Variants in HS2ST1 observed in about 807,000 individuals in gnomAD.
HS2ST1 encodes the protein 2-O-sulfotransferase.
HS2ST1 carries 18 observed loss-of-function variants against 42.9 expected under a neutral mutation model. The ratio of observed to expected loss-of-function variants is 0.42; its 90% CI spans 0.29 to 0.62. The LOEUF (loss-of-function observed/expected upper bound fraction) is 0.62, where lower values mean the gene tolerates loss of function less well. Ranked by LOEUF, HS2ST1 falls within the 20% of genes least tolerant of loss-of-function variation. The pLI, the probability that HS2ST1 is intolerant of heterozygous loss-of-function variation, is 0.21. For synonymous variants in HS2ST1, 146 were observed against 152.9 expected, an observed-to-expected ratio of 0.95 and a Z score of 0.33; for missense variants, 334 against 433.8, an observed-to-expected ratio of 0.77 and a Z score of 2.04.
intron 6 of HS2ST1, 54 bp from the exon 7 acceptor site, chr1:87,104,416 T>C (rs1385365420): frequency 8.9e-7 from 1 of 1,127,258 alleles, no homozygotes; most frequent in African/African-American, 1.6e-5. Context: ...ATTGATCTTT[T>C]GTGTGTTCTC....
intron 1 of HS2ST1, among the ~76,000 whole-genome samples, chr1:86,979,103 G>T (rs1162462233): frequency 6.6e-6 from 1 of 151,982 alleles, no homozygotes; most frequent in Non-Finnish European, 1.5e-5. Context: ...CAATCCGCCT[G>T]CCTCAGCCCC....
intron 1 of HS2ST1, among the ~76,000 whole-genome samples, chr1:87,031,138 G>C (rs1650228294): frequency 6.6e-6 from 1 of 151,954 alleles, no homozygotes; most frequent in African/African-American, 2.4e-5. Context: ...ACAGGGTTTT[G>C]CCATGTTTCC....
chr1:86,944,007 C>T (rs1354540165), intron 1 of HS2ST1, among the ~76,000 whole-genome samples: 8 of 149,770 alleles, frequency 5.3e-5, no homozygotes, highest in African/African-American at 2.5e-5. Flanking sequence ...CCCTGGGTAA[C>T]GAGTGAAACT....
chr1:87,039,066 A>G (rs1650456485), intron 1 of HS2ST1, among the ~76,000 whole-genome samples: 1 of 152,210 alleles, frequency 6.6e-6, no homozygotes, highest in Non-Finnish European at 1.5e-5. Context: ...CCCTGTACTG[A>G]TATGGAAGGT....
intron 1 of HS2ST1, among the ~76,000 whole-genome samples, chr1:86,919,643 G>A (rs1049432921): frequency 6.6e-6 from 1 of 152,112 alleles, no homozygotes; most frequent in African/African-American, 2.4e-5. Flanking sequence ...AGGCTTCAAG[G>A]TATCAGTGAA....
At chr1:86,967,490 C>A (rs1648082773) in intron 1 of HS2ST1, among the ~76,000 whole-genome samples, 1 of 152,094 alleles carries the variant, frequency 6.6e-6, no homozygotes, top group African/African-American at 2.4e-5. Context: ...CATTACATCA[C>A]CCTGATTGGT....
chr1:86,926,515 A>C (rs1054709051), intron 1 of HS2ST1, among the ~76,000 whole-genome samples: 1 of 152,188 alleles, frequency 6.6e-6, no homozygotes, highest in Non-Finnish European at 1.5e-5. Context: ...AGGAATCCTC[A>C]TACTATGCTG....
Position 86,917,200 on chromosome 1 carries a change from C to T in HS2ST1, c.124+2040C>T, listed in dbSNP as rs78130557. Among the ~76,000 whole-genome samples the T allele has an allele frequency of 9.7e-3, 1,484 of 152,224 alleles. 23 individuals carry two copies. Among genetic ancestry groups the T allele is most frequent in the South Asian group, 0.013 (63 of 4,828 alleles). ...CTAGGCACTTTTCATCGTAGATACT[C>T]GTGTTTAAAGTAAGAACACCATTTA... On this transcript the variant is annotated intron_variant, in intron 1 of 6. Coordinates refer to ENST00000370550, the MANE Select transcript of HS2ST1 (RefSeq NM_012262.4).
chr1:87,025,901 GAGT>G (rs1650075726), intron 1 of HS2ST1, among the ~76,000 whole-genome samples: 1 of 152,158 alleles, frequency 6.6e-6, no homozygotes, highest in Non-Finnish European at 1.5e-5. Context: ...TATTGTTACT[GAGT>G]AAAATTGCTA....
chr1:86,984,749 A>G (rs1259746968), intron 1 of HS2ST1, among the ~76,000 whole-genome samples: 1 of 151,844 alleles, frequency 6.6e-6, no homozygotes, highest in Non-Finnish European at 1.5e-5. Context: ...AAAAAACTAA[A>G]ATACTAAAAT....
intron 1 of HS2ST1, among the ~76,000 whole-genome samples, chr1:86,967,729 T>G (rs909863651): frequency 6.6e-6 from 1 of 152,248 alleles, no homozygotes; most frequent in African/African-American, 2.4e-5. Context: ...TTCCATACCT[T>G]TGCAGTTGTG....
At position 87,108,328 on chromosome 1, in the gene HS2ST1, C is replaced by G. The variant is rs1652374205; in HGVS notation, c.*3632C>G. The G allele has an allele frequency of 6.6e-6, 1 of 152,086 alleles. No homozygotes were observed. Among genetic ancestry groups the G allele is most frequent in the Non-Finnish European group, 1.5e-5 (1 of 67,970 alleles). 9.4% of individuals were successfully genotyped at this position (152,086 alleles called of 1,614,324 possible). ...TTTCCATTGGTCATTCCCAAACACA[C>G]CTATGGTCCTAGAATCCTTAAGAGA... is the stretch of plus-strand genomic sequence containing the variant. On this transcript the variant is annotated 3_prime_UTR_variant, in exon 7 of 7. Transcript: ENST00000370550.
chr1:87,000,080 C>T (rs1449781034), intron 1 of HS2ST1, among the ~76,000 whole-genome samples: 1 of 147,188 alleles, frequency 6.8e-6, no homozygotes, highest in African/African-American at 2.5e-5. Context: ...TATGTAGTAA[C>T]CAACTCCTAG....
intron 1 of HS2ST1, among the ~76,000 whole-genome samples, chr1:86,916,883 A>G (rs1003493369): frequency 1.3e-5 from 2 of 152,214 alleles, no homozygotes; most frequent in African/African-American, 4.8e-5. Context: ...GTGGGTTAGA[A>G]TGACTTAAAT....
At chr1:87,068,995 G>C (rs1361298598) in intron 1 of HS2ST1, among the ~76,000 whole-genome samples, 1 of 152,072 alleles carries the variant, frequency 6.6e-6, no homozygotes. Context: ...ACCAGGCCAG[G>C]CTCTGAGAAA....
intron 2 of HS2ST1, among the ~76,000 whole-genome samples, chr1:87,081,619 T>C (rs1340045297): frequency 6.6e-6 from 1 of 152,092 alleles, no homozygotes; most frequent in Non-Finnish European, 1.5e-5. Flanking sequence ...TAGTGTTGCA[T>C]CTTAAAGAGC....
chr1:86,972,136 T>C (rs1239510504), intron 1 of HS2ST1, among the ~76,000 whole-genome samples: 1 of 152,216 alleles, frequency 6.6e-6, no homozygotes, highest in Non-Finnish European at 1.5e-5. Flanking sequence ...GAGTTGTTAA[T>C]GTTTCAGAAA....
At chr1:86,956,110 A>G (rs1327014508) in intron 1 of HS2ST1, among the ~76,000 whole-genome samples, 1 of 150,960 alleles carries the variant, frequency 6.6e-6, no homozygotes, top group Admixed American at 6.6e-5. Context: ...ATATGCACAC[A>G]TGTGTAATTT....
chr1:86,988,397 A>G (rs1051273916), intron 1 of HS2ST1, among the ~76,000 whole-genome samples: 3 of 152,046 alleles, frequency 2.0e-5, no homozygotes, highest in African/African-American at 7.2e-5. Flanking sequence ...CTTACCTCCA[A>G]CCTGACTGTT....
Sources: allele counts gnomAD v4.1 joint callset (sites outside exome capture counted in the v4.1 genomes callset), GRCh38; gene constraint gnomAD v4.1.1; transcripts MANE v1.5; gene names NCBI Gene and HGNC (gene_info 2026-07-23, HGNC 2026-07-21).